Variants in STXBP5L observed in about 807,000 individuals in gnomAD.
STXBP5L encodes the protein syntaxin binding protein 5L.
A neutral mutation model predicts 144.5 loss-of-function variants in STXBP5L; 65 were observed. The ratio of observed to expected loss-of-function variants is 0.45; its 90% CI spans 0.37 to 0.55. The LOEUF (loss-of-function observed/expected upper bound fraction) is 0.55, where lower values mean the gene tolerates loss of function less well. STXBP5L is among the 20% of genes least tolerant of loss of function. The probability of loss-of-function intolerance (pLI) is 0.00; values close to 1 mark genes in which losing one functional copy is unlikely to be tolerated. For synonymous variants in STXBP5L, 505 were observed against 469.6 expected (o/e 1.08, Z -0.97); for missense variants, 1,298 against 1,405.5 (o/e 0.92, Z 1.22).
intron 18 of STXBP5L, among the ~76,000 whole-genome samples, chr3:121,264,044 T>G (rs891032732): frequency 6.6e-6 from 1 of 152,132 alleles, no homozygotes; most frequent in African/African-American, 2.4e-5. Flanking sequence ...GGAAAACATG[T>G]TAAGGGCAGC....
chr3:120,922,252 C>G (rs1057103025), intron 2 of STXBP5L, among the ~76,000 whole-genome samples: 3 of 151,798 alleles, frequency 2.0e-5, no homozygotes, highest in Non-Finnish European at 4.4e-5. Context: ...GTTTTGATTT[C>G]TTTGTTCAGA....
chr3:121,003,713 T>C (rs1235588299), intron 3 of STXBP5L, among the ~76,000 whole-genome samples: 2 of 152,214 alleles, frequency 1.3e-5, no homozygotes, highest in African/African-American at 4.8e-5. Flanking sequence ...TTAATCCATC[T>C]TGAATTAATT....
At chr3:121,031,467 C>G (rs986244738) in intron 3 of STXBP5L, among the ~76,000 whole-genome samples, 1 of 151,992 alleles carries the variant, frequency 6.6e-6, no homozygotes, top group Non-Finnish European at 1.5e-5. Context: ...TGGAGGCTGG[C>G]AAATCCAAAA....
At chr3:121,097,408 A>T (rs563210007) in intron 5 of STXBP5L, among the ~76,000 whole-genome samples, 2 of 152,270 alleles carry the variant, frequency 1.3e-5, no homozygotes, top group South Asian at 4.1e-4. Context: ...ATGGCCACCC[A>T]GTTTTGTGCT....
chr3:121,186,506 A>G (rs139694321), intron 9 of STXBP5L, among the ~76,000 whole-genome samples: 2 of 151,134 alleles, frequency 1.3e-5, no homozygotes, highest in African/African-American at 2.4e-5. Context: ...AGCATGAAGC[A>G]TTGTTGAATT....
At chr3:121,173,683 A>T (rs2046822441) in intron 9 of STXBP5L, among the ~76,000 whole-genome samples, 1 of 152,182 alleles carries the variant, frequency 6.6e-6, no homozygotes, top group Non-Finnish European at 1.5e-5. Context: ...TAAGAAAATC[A>T]TAAGGAAGAG....
intron 20 of STXBP5L, among the ~76,000 whole-genome samples, chr3:121,376,671 C>T (rs969775876): frequency 6.6e-6 from 1 of 152,154 alleles, no homozygotes. Flanking sequence ...CAGCTTGATG[C>T]CTCCAGCTTT....
At chr3:121,035,232 AT>A (rs757115767) in intron 3 of STXBP5L, among the ~76,000 whole-genome samples, 8 of 151,956 alleles carry the variant, frequency 5.3e-5, no homozygotes, top group African/African-American at 9.7e-5. Context: ...CCACTTGCCT[AT>A]TTTTGTTTTT....
At chr3:121,034,679 A>G (rs532172329) in intron 3 of STXBP5L, among the ~76,000 whole-genome samples, 28 of 152,260 alleles carry the variant, frequency 1.8e-4, no homozygotes, top group Admixed American at 6.5e-4. Context: ...TGCTGCAATA[A>G]ACTTATAAGT....
At chr3:120,956,096 T>G (rs1559907380) in intron 3 of STXBP5L, among the ~76,000 whole-genome samples, 1 of 152,008 alleles carries the variant, frequency 6.6e-6, no homozygotes, top group Admixed American at 6.6e-5. Flanking sequence ...ACAACTATGA[T>G]CATCTGTGTA....
chr3:121,172,072 G>C (rs1485690366), intron 9 of STXBP5L, among the ~76,000 whole-genome samples: 1 of 152,102 alleles, frequency 6.6e-6, no homozygotes, highest in South Asian at 2.1e-4. Flanking sequence ...CCTGCTCTTT[G>C]ACAAACGTGA....
intron 9 of STXBP5L, among the ~76,000 whole-genome samples, chr3:121,162,331 T>A (rs1398858241): frequency 6.6e-6 from 1 of 152,188 alleles, no homozygotes; most frequent in African/African-American, 2.4e-5. Flanking sequence ...AAGGGTTCCC[T>A]ATTTAATAAA....
chr3:121,223,097 C>T lies in STXBP5L; in HGVS notation c.1051C>T (p.Leu351Phe). 1 of 1,612,512 alleles carries T rather than the reference C, an allele frequency of 6.2e-7. No individual in the cohort carries two copies. Among genetic ancestry groups the T allele is most frequent in the Non-Finnish European group, 8.5e-7 (1 of 1,179,272 alleles). The change falls in exon 11 of 27, where the codon CTT becomes TTT. Residue 351 changes from leucine to phenylalanine, a missense_variant. Transcript: ENST00000471454. ...CATGCATGGAAAAGCAATTACAGTA[C>T]TTGAAATGGATCATCCTATTGTTGA... Reference protein sequence around the residue: ...TIMHGKAITVLEMDHPIVEFL... With the variant: ...TIMHGKAITVFEMDHPIVEFL...
chr3:121,221,970 A>G (rs2048986778), intron 10 of STXBP5L, among the ~76,000 whole-genome samples: 1 of 152,022 alleles, frequency 6.6e-6, no homozygotes. Context: ...AACGGAAGAG[A>G]AAAGGAAATC....
At chr3:121,190,853 TC>T (rs1160754159) in intron 9 of STXBP5L, among the ~76,000 whole-genome samples, 1 of 151,164 alleles carries the variant, frequency 6.6e-6, no homozygotes, top group Admixed American at 6.6e-5. Context: ...GCTCCTCACC[TC>T]CCAGACGGGG....
Position 121,422,274 on chromosome 3 carries a change from T to G in STXBP5L, c.*3177T>G, listed in dbSNP as rs2047367248. ...ATAACTTGGACAATGATACAGAAAG[T>G]GACTCTGAGCCTTAGTTACCATCAA... On this transcript the variant is annotated 3_prime_UTR_variant, in exon 27 of 27. Transcript: ENST00000471454. 6.6e-6 allele frequency: 1 copy of G among 152,180 alleles called. No individual in the cohort carries two copies. The highest frequency in any genetic ancestry group is 6.5e-5 in the Admixed American group (1 of 15,270). The allele number at this position is 152,180 out of a possible 1,614,324, so 9.4% of individuals were successfully genotyped here.
intron 9 of STXBP5L, among the ~76,000 whole-genome samples, chr3:121,163,949 T>TG (rs1473107567): frequency 6.6e-6 from 1 of 152,152 alleles, no homozygotes; most frequent in Non-Finnish European, 1.5e-5. Context: ...ACAGGTTTAT[T>TG]GGGGTATAGT....
intron 9 of STXBP5L, among the ~76,000 whole-genome samples, chr3:121,201,197 A>G (rs1294708404): frequency 6.6e-6 from 1 of 151,826 alleles, no homozygotes; most frequent in Non-Finnish European, 1.5e-5. Context: ...TGTGGATACC[A>G]CTGTATTGGG....
chr3:121,045,632 C>G (rs1257357136), intron 5 of STXBP5L, 97 bp downstream of exon 5: 5 of 1,034,114 alleles, frequency 4.8e-6, no homozygotes, highest in South Asian at 4.8e-5. Context: ...CTCATAATCT[C>G]AACAGCTAGA....
Sources: gnomAD v4.1 joint callset for allele counts (sites outside exome capture counted in the v4.1 genomes callset) on GRCh38, gnomAD v4.1.1 for gene constraint, MANE v1.5 for transcripts, NCBI Gene and HGNC (gene_info 2026-07-23, HGNC 2026-07-21) for gene names.